Variants in OPCML observed in about 807,000 individuals in gnomAD.
OPCML encodes opioid-binding protein/cell adhesion molecule.
OPCML carries 13 observed loss-of-function variants against 37.8 expected under a neutral mutation model. The ratio of observed to expected loss-of-function variants is 0.34; its 90% confidence interval spans 0.22 to 0.55. The LOEUF is 0.55. Among genes scored for constraint, OPCML ranks in the 20% least tolerant of loss-of-function variants. The pLI is 0.91. For missense variants in OPCML, 341 were observed against 435.6 expected, an observed-to-expected ratio of 0.78 and a Z score of 1.93; for synonymous variants, 176 against 168.8, an observed-to-expected ratio of 1.04 and a Z score of -0.33.
At chr11:133,219,138 G>A (rs1277673012) in intron 1 of OPCML, among the ~76,000 whole-genome samples, 1 of 152,164 alleles carries the variant, frequency 6.6e-6, no homozygotes. Flanking sequence ...TATCTTATAT[G>A]CAAGCATGAC....
intron 2 of OPCML, among the ~76,000 whole-genome samples, chr11:132,901,999 G>T (rs1377697920): frequency 6.6e-6 from 1 of 152,164 alleles, no homozygotes; most frequent in Non-Finnish European, 1.5e-5. Flanking sequence ...GCGTCATGGG[G>T]CATTATGTAA....
intron 1 of OPCML, among the ~76,000 whole-genome samples, chr11:133,458,243 TACAC>T (rs1366494865): frequency 9.9e-6 from 1 of 101,266 alleles, no homozygotes; most frequent in Non-Finnish European, 1.7e-5. Flanking sequence ...TGTGTATATA[TACAC>T]ATATATATAC....
intron 2 of OPCML, among the ~76,000 whole-genome samples, chr11:132,893,181 A>G (rs924975216): frequency 2.0e-5 from 3 of 151,852 alleles, no homozygotes; most frequent in Admixed American, 6.6e-5. Flanking sequence ...AGGAGCTATA[A>G]AAACTCCAGG....
At chr11:133,324,826 G>A (rs1294248423) in intron 1 of OPCML, among the ~76,000 whole-genome samples, 1 of 152,026 alleles carries the variant, frequency 6.6e-6, no homozygotes, top group African/African-American at 2.4e-5. Flanking sequence ...ATATTCATAT[G>A]TGTGTGTGTA....
chr11:133,363,508 A>G (rs1187112679), intron 1 of OPCML, among the ~76,000 whole-genome samples: 2 of 152,184 alleles, frequency 1.3e-5, no homozygotes, highest in African/African-American at 4.8e-5. Flanking sequence ...CTTTAATACT[A>G]CTTAAAAGCA....
chr11:132,654,578 C>CCAAGAGAAGCTCCTCCT (rs774371577), intron 3 of OPCML, among the ~76,000 whole-genome samples: 1 of 151,518 alleles, frequency 6.6e-6, no homozygotes, highest in Non-Finnish European at 1.5e-5. Flanking sequence ...AACATCATCC[C>CCAAGAGAAGCTCCTCCT]CAAGAGAAGC....
chr11:133,404,095 T>C (rs1349423473), intron 1 of OPCML, among the ~76,000 whole-genome samples: 1 of 151,902 alleles, frequency 6.6e-6, no homozygotes, highest in Non-Finnish European at 1.5e-5. Flanking sequence ...TGCTCTGTGC[T>C]TCTGGTGGCT....
chr11:132,985,899 T>C (rs1229393020), intron 1 of OPCML, among the ~76,000 whole-genome samples: 1 of 152,250 alleles, frequency 6.6e-6, no homozygotes, highest in Admixed American at 6.5e-5. Flanking sequence ...ATTGTCTCTC[T>C]GGCTTTTCAT....
At chr11:132,981,678 A>G (rs1946587359) in intron 1 of OPCML, among the ~76,000 whole-genome samples, 1 of 152,242 alleles carries the variant, frequency 6.6e-6, no homozygotes. Context: ...GATGGATGCC[A>G]TCTTGGCTCA....
intron 1 of OPCML, among the ~76,000 whole-genome samples, chr11:133,092,355 G>A (rs1257896144): frequency 1.3e-5 from 2 of 152,150 alleles, no homozygotes; most frequent in African/African-American, 4.8e-5. Flanking sequence ...CTAATACAAG[G>A]TCAACAAAGT....
chr11:132,600,924 C>T (rs541588866), intron 3 of OPCML, among the ~76,000 whole-genome samples: 1 of 138,446 alleles, frequency 7.2e-6, no homozygotes, highest in Admixed American at 8.4e-5. Flanking sequence ...CTCCTGGGCT[C>T]AAGTGATCCT....
At chr11:132,834,310 A>C (rs1940885346) in intron 2 of OPCML, among the ~76,000 whole-genome samples, 1 of 152,186 alleles carries the variant, frequency 6.6e-6, no homozygotes, top group Admixed American at 6.5e-5. Flanking sequence ...AATATTATTG[A>C]AAACAGACTT....
intron 1 of OPCML, among the ~76,000 whole-genome samples, chr11:133,528,109 G>A (rs1325114107): frequency 6.6e-6 from 1 of 152,248 alleles, no homozygotes; most frequent in Non-Finnish European, 1.5e-5. Flanking sequence ...ACAGGACCGA[G>A]GGAACATGGG....
At chr11:132,822,115 A>G (rs1940026771) in intron 2 of OPCML, among the ~76,000 whole-genome samples, 1 of 152,102 alleles carries the variant, frequency 6.6e-6, no homozygotes, top group African/African-American at 2.4e-5. Flanking sequence ...CAGGGCAGTG[A>G]CTGGAGACAC....
intron 1 of OPCML, among the ~76,000 whole-genome samples, chr11:133,095,589 T>C (rs1249385339): frequency 6.9e-6 from 1 of 144,308 alleles, no homozygotes; most frequent in Non-Finnish European, 1.5e-5. Context: ...TCTAGTATGC[T>C]AGTGAAGGGA....
intron 1 of OPCML, chr11:133,302,057 TAA>T (rs911736386): frequency 3.3e-5 from 5 of 152,326 alleles, no homozygotes; most frequent in Admixed American, 2.6e-4. Flanking sequence ...TTTATTGTGC[TAA>T]GTTACATGAT....
intron 1 of OPCML, chr11:133,422,086 T>C (rs1945899203): frequency 1.0e-6 from 1 of 956,650 alleles, no homozygotes; most frequent in African/African-American, 1.8e-5. Flanking sequence ...TCATCTACAT[T>C]AGGTGTTTCT....
At chr11:132,453,460 G>A (rs1191667925) in intron 4 of OPCML, among the ~76,000 whole-genome samples, 2 of 152,132 alleles carry the variant, frequency 1.3e-5, no homozygotes, top group Admixed American at 6.5e-5. Context: ...CCAGGGCCGG[G>A]TGTAATTCCT....
intron 1 of OPCML, chr11:133,007,088 G>A (rs1210501386): frequency 2.0e-6 from 2 of 985,440 alleles, no homozygotes; most frequent in Non-Finnish European, 1.2e-6. Flanking sequence ...TGTCAAACCA[G>A]TTTAAGAGGA....
Sources: gnomAD v4.1 joint callset for allele counts (sites outside exome capture counted in the v4.1 genomes callset) on GRCh38, gnomAD v4.1.1 for gene constraint, MANE v1.5 for transcripts, NCBI Gene and HGNC (gene_info 2026-07-23, HGNC 2026-07-21) for gene names.